COP1: variants seen among roughly 807,000 people sequenced by gnomAD.
The protein encoded by COP1 is COP1 E3 ubiquitin ligase.
COP1 carries 24 observed loss-of-function variants against 101.3 expected under a neutral mutation model. The observed-to-expected ratio is 0.24, with a 90% confidence interval of 0.17 to 0.33. The LOEUF is 0.33. Among genes scored for constraint, COP1 ranks in the 10% least tolerant of loss-of-function variants. The probability of loss-of-function intolerance (pLI) is 1.00; values close to 1 mark genes in which losing one functional copy is unlikely to be tolerated. For missense variants in COP1, 663 were observed against 906.2 expected (o/e 0.73, Z 3.45); for synonymous variants, 347 against 341.9 (o/e 1.01, Z -0.17).
At chr1:176,153,595 T>C (rs148092786) in intron 5 of COP1, among the ~76,000 whole-genome samples, 140 of 152,304 alleles carry the variant, frequency 9.2e-4, no homozygotes, top group African/African-American at 3.1e-3. Context: ...TATGCTTGAC[T>C]GCTCCAGCCA....
chr1:176,106,026 TTTTTG>T (rs1401897775), intron 9 of COP1, among the ~76,000 whole-genome samples: 3 of 151,056 alleles, frequency 2.0e-5, no homozygotes, highest in South Asian at 4.2e-4. Context: ...TTTGTTTTGT[TTTTTG>T]TTTTGTTTTG....
intron 11 of COP1, among the ~76,000 whole-genome samples, chr1:176,062,719 A>T (rs1675083576): frequency 1.3e-5 from 2 of 152,230 alleles, no homozygotes. Context: ...TAATAGTAAC[A>T]AACTAAAACC....
rs543461044 is a variant in COP1 at position 175,978,945 on chromosome 1, T to C, written c.2133+7998A>G. On this transcript the variant is annotated intron_variant, in intron 18 of 19. Coordinates refer to ENST00000367669, the MANE Select transcript of COP1 (RefSeq NM_022457.7). ...AAATAAAAAAGACCGTATCTTACTT[T>C]TTTGGATTTGTTTCTTCCTGAGGTA... is the stretch of plus-strand genomic sequence containing the variant. Among the ~76,000 whole-genome samples the C allele has an allele frequency of 9.8e-5, 15 of 152,306 alleles. No homozygotes were observed. The South Asian group carries it at 2.9e-3, about 29-fold the overall frequency.
At chr1:176,118,729 G>C (rs1405071326) in intron 8 of COP1, among the ~76,000 whole-genome samples, 2 of 152,142 alleles carry the variant, frequency 1.3e-5, no homozygotes, top group Non-Finnish European at 2.9e-5. Flanking sequence ...TCCAGCCTGG[G>C]CAAGAGAGAG....
chr1:176,020,975 CTTCT>C (rs1666665684), intron 15 of COP1, among the ~76,000 whole-genome samples: 1 of 152,060 alleles, frequency 6.6e-6, no homozygotes, highest in Admixed American at 6.6e-5. Context: ...CAGCTTCTTT[CTTCT>C]TTCTTTTTTT....
chr1:176,149,659 T>C (rs1300707651), intron 5 of COP1, among the ~76,000 whole-genome samples: 3 of 152,090 alleles, frequency 2.0e-5, no homozygotes, highest in South Asian at 2.1e-4. Flanking sequence ...AGGGAGTAAC[T>C]CAAATTGGTA....
chr1:176,175,827 T>C, intron 3 of COP1, 83 bp downstream of exon 3: 1 of 715,944 alleles, frequency 1.4e-6, no homozygotes, highest in Non-Finnish European at 2.4e-6. Context: ...ACCACTAAGG[T>C]AGGTTTTCTG....
intron 5 of COP1, among the ~76,000 whole-genome samples, chr1:176,151,776 G>A (rs1052928623): frequency 3.0e-4 from 45 of 152,126 alleles, no homozygotes; most frequent in African/African-American, 1.1e-3. Flanking sequence ...TTTCCAACTG[G>A]GAGAAAACAC....
chr1:176,067,887 G>A (rs1302353013), intron 11 of COP1, among the ~76,000 whole-genome samples: 1 of 152,148 alleles, frequency 6.6e-6, no homozygotes, highest in Admixed American at 6.5e-5. Context: ...CAGAGCCCAC[G>A]CTCCCACGAT....
chr1:176,166,880 T>G (rs1252478414), intron 3 of COP1, among the ~76,000 whole-genome samples: 1 of 152,146 alleles, frequency 6.6e-6, no homozygotes, highest in Non-Finnish European at 1.5e-5. Context: ...GAGGCTGCAG[T>G]GAACCATGGT....
At chr1:176,042,272 A>AG (rs1670714226) in intron 14 of COP1, among the ~76,000 whole-genome samples, 1 of 146,544 alleles carries the variant, frequency 6.8e-6, no homozygotes, top group Non-Finnish European at 1.5e-5. Flanking sequence ...CTCTATCTCA[A>AG]AAAAAAAAAA....
intron 18 of COP1, among the ~76,000 whole-genome samples, chr1:175,986,300 T>C (rs967604765): frequency 4.6e-5 from 7 of 152,216 alleles, no homozygotes; most frequent in Non-Finnish European, 1.0e-4. Context: ...ATTACAGGTG[T>C]GAGCCACCGA....
At chr1:175,964,609 A>G (rs886760925) in intron 18 of COP1, among the ~76,000 whole-genome samples, 1 of 152,212 alleles carries the variant, frequency 6.6e-6, no homozygotes, top group African/African-American at 2.4e-5. Flanking sequence ...TTTGTCCTAT[A>G]ATCACTGAAT....
chr1:175,960,244 T>A (rs555224999), intron 18 of COP1, among the ~76,000 whole-genome samples: 1 of 152,178 alleles, frequency 6.6e-6, no homozygotes, highest in African/African-American at 2.4e-5. Context: ...GTCTTTGGAG[T>A]CTGAAAGATT....
chr1:176,184,764 C>T (rs1698241375), intron 1 of COP1, 72 bp from the exon 2 acceptor site: 2 of 1,012,582 alleles, frequency 2.0e-6, no homozygotes, highest in Non-Finnish European at 3.1e-6. Flanking sequence ...AGACTAGTAA[C>T]AATACCAATG....
chr1:176,139,289 A>AAC (rs1690291440), intron 6 of COP1, among the ~76,000 whole-genome samples: 1 of 88,370 alleles, frequency 1.1e-5, no homozygotes, highest in African/African-American at 5.1e-5. Flanking sequence ...CAAAAAAAAC[A>AAC]AAAAAAAAAA....
At chr1:175,957,331 A>T (rs1650780591) in intron 18 of COP1, among the ~76,000 whole-genome samples, 1 of 151,310 alleles carries the variant, frequency 6.6e-6, no homozygotes, top group Admixed American at 6.6e-5. Context: ...TTTACCTTTT[A>T]TATTGTATTT....
chr1:176,040,163 T>C (rs1670268185), intron 14 of COP1, among the ~76,000 whole-genome samples: 1 of 152,092 alleles, frequency 6.6e-6, no homozygotes, highest in South Asian at 2.1e-4. Context: ...AAAATAAATA[T>C]ATCTATTGTA....
rs1289898115 is a variant in COP1, at chr1:176,149,343, A to G, written c.763-269T>C. ...GAAAAATCTTTTCACGGATAATGGC[A>G]ATTCTATTACCTGACTCCTAGCCTT... is the stretch of plus-strand genomic sequence containing the variant. On this transcript the variant is annotated intron_variant, in intron 5 of 19. Transcript: ENST00000367669. Among the ~76,000 whole-genome samples the G allele has an allele frequency of 2.6e-5, 4 of 152,056 alleles. No individual in the cohort carries two copies. The East Asian group carries it at 7.7e-4, about 29-fold the overall frequency.
Sources: allele counts gnomAD v4.1 joint callset (sites outside exome capture counted in the v4.1 genomes callset), GRCh38; gene constraint gnomAD v4.1.1; transcripts MANE v1.5; gene names NCBI Gene and HGNC (gene_info 2026-07-23, HGNC 2026-07-21).